Variants in DPP6 observed in about 807,000 individuals in gnomAD.
DPP6 encodes A-type potassium channel modulatory protein DPP6.
A neutral mutation model predicts 122.6 loss-of-function variants in DPP6; 69 were observed. The observed-to-expected ratio is 0.56, with a 90% CI of 0.46 to 0.69. The LOEUF (loss-of-function observed/expected upper bound fraction) is 0.69, where lower values mean the gene tolerates loss of function less well. DPP6 is among the 30% of genes least tolerant of loss of function. The pLI, the probability that DPP6 is intolerant of heterozygous loss-of-function variation, is 0.00. For missense variants in DPP6, 928 were observed against 1,116.9 expected (o/e 0.83, Z 2.41); for synonymous variants, 418 against 433.1 (o/e 0.97, Z 0.43).
At chr7:153,907,360 A>G (rs10952452) in intron 1 of DPP6, among the ~76,000 whole-genome samples, 1,589 of 152,336 alleles carry the variant, frequency 0.01, 20 homozygotes, top group East Asian at 0.037. Context: ...GATGCCAAAT[A>G]TAAAGAGGGA....
intron 3 of DPP6, among the ~76,000 whole-genome samples, chr7:154,512,462 G>C (rs1387781072): frequency 6.6e-6 from 1 of 152,128 alleles, no homozygotes; most frequent in Non-Finnish European, 1.5e-5. Flanking sequence ...CTAAAGCTTT[G>C]ACTGTTAAAG....
chr7:153,859,830 A>G, the DPP6 span, among the ~76,000 whole-genome samples: 1 of 152,172 alleles, frequency 6.6e-6, no homozygotes, highest in Non-Finnish European at 1.5e-5. Flanking sequence ...GGCAGAGGAA[A>G]TGCCAGATGC....
At chr7:153,979,792 A>G (rs1009866602) in intron 1 of DPP6, among the ~76,000 whole-genome samples, 6 of 152,134 alleles carry the variant, frequency 3.9e-5, no homozygotes, top group African/African-American at 1.2e-4. Context: ...TTCTGCATCT[A>G]TTGAGATAAT....
chr7:153,783,954 G>A, the DPP6 span, among the ~76,000 whole-genome samples: 2 of 152,198 alleles, frequency 1.3e-5, no homozygotes, highest in Admixed American at 1.3e-4. Context: ...GCAACATGGA[G>A]GAATCTCATA....
chr7:154,483,042 G>A lies in DPP6; in HGVS notation c.457+8005G>A, dbSNP rs989821107. On this transcript the variant is annotated intron_variant, in intron 3 of 25. Coordinates refer to ENST00000377770, the MANE Select transcript of DPP6 (RefSeq NM_130797.4). The surrounding 1 kb of genome is among the most constrained non-coding windows in gnomAD (Gnocchi z 8.1). ...CCAGGTGAGAGGTTGGAGCCATCTG[G>A]AGGACCATGGAAAGCGTGGGTTGTG... Among the ~76,000 whole-genome samples the A allele has an allele frequency of 4.6e-5, 7 of 152,106 alleles. No individual in the cohort carries two copies. The highest frequency in any genetic ancestry group is 2.1e-4 in the South Asian group (1 of 4,808).
At chr7:154,060,258 C>T (rs1801529234) in intron 1 of DPP6, among the ~76,000 whole-genome samples, 1 of 131,518 alleles carries the variant, frequency 7.6e-6, no homozygotes, top group Non-Finnish European at 1.7e-5. Context: ...GGGGCGGAGG[C>T]ACCCCCCGCG....
rs1188657857 is a variant in DPP6 at position 154,758,082 on chromosome 7, C to T, written c.884-11335C>T. Among the ~76,000 whole-genome samples the T allele has an allele frequency of 7.2e-5, 11 of 152,342 alleles. No homozygotes were observed. The East Asian group carries it at 2.1e-3, about 29-fold the overall frequency. On this transcript the variant is annotated intron_variant, in intron 8 of 25. Transcript: ENST00000377770. ...TGAATCCACTCCCCCTTCAGGTGGG[C>T]AAACACTGCCTCTTGCAGACATGTT...
At chr7:154,376,324 G>T (rs1813129384) in intron 1 of DPP6, among the ~76,000 whole-genome samples, 1 of 152,168 alleles carries the variant, frequency 6.6e-6, no homozygotes, top group Non-Finnish European at 1.5e-5. Context: ...AATACTTTTA[G>T]CAGGACATAA....
At chr7:154,017,473 G>A (rs554063949) in intron 1 of DPP6, among the ~76,000 whole-genome samples, 2 of 152,086 alleles carry the variant, frequency 1.3e-5, no homozygotes, top group East Asian at 3.9e-4. Context: ...GCTGAGGATT[G>A]TTTGAGGTCA....
chr7:153,846,354 A>G, the DPP6 span, among the ~76,000 whole-genome samples: 1 of 152,138 alleles, frequency 6.6e-6, no homozygotes, highest in Non-Finnish European at 1.5e-5. Flanking sequence ...TTATTTATGT[A>G]TTCTGGATAC....
rs544489735 is a variant in DPP6 at position 153,941,186 on chromosome 7, G to T, written c.51+53452G>T. 2.0e-5 allele frequency among the ~76,000 whole-genome samples: 3 copies of T among 152,322 alleles called. No homozygotes were observed. In the South Asian group the frequency reaches 6.2e-4, roughly 32 times the overall value. ...AGCAGGCATGGAACACACAGCAGTG[G>T]CTAGCACAAAAATGAGCCCTTGATG... On this transcript the variant is annotated intron_variant, in intron 1 of 25. Transcript: ENST00000404039.
chr7:154,151,715 G>C (rs1317379637), intron 1 of DPP6, among the ~76,000 whole-genome samples: 7 of 151,800 alleles, frequency 4.6e-5, no homozygotes, highest in African/African-American at 1.7e-4. Context: ...GTCTCCAGTT[G>C]GGACCACATC....
intron 8 of DPP6, among the ~76,000 whole-genome samples, chr7:154,738,145 C>T (rs540862495): frequency 2.0e-5 from 3 of 152,330 alleles, no homozygotes; most frequent in South Asian, 2.1e-4. Flanking sequence ...CAGATGTCTG[C>T]GTGCCCAGCA....
At chr7:154,494,999 C>G (rs1357857379) in intron 3 of DPP6, among the ~76,000 whole-genome samples, 1 of 152,148 alleles carries the variant, frequency 6.6e-6, no homozygotes, top group Admixed American at 6.5e-5. Context: ...GAGAGAGTCT[C>G]GTGGAGGTGA....
intron 1 of DPP6, among the ~76,000 whole-genome samples, chr7:154,380,028 A>C (rs1813455496): frequency 6.6e-6 from 1 of 152,236 alleles, no homozygotes; most frequent in African/African-American, 2.4e-5. Context: ...ATTAAAAAAC[A>C]ATGTCATATA....
At chr7:154,420,855 A>G (rs1396836567) in intron 1 of DPP6, among the ~76,000 whole-genome samples, 1 of 152,196 alleles carries the variant, frequency 6.6e-6, no homozygotes, top group Non-Finnish European at 1.5e-5. Flanking sequence ...AAAAATCATT[A>G]TGCAAAATGA....
At chr7:154,265,143 T>A (rs1477741034) in intron 1 of DPP6, among the ~76,000 whole-genome samples, 3 of 151,344 alleles carry the variant, frequency 2.0e-5, no homozygotes, top group Non-Finnish European at 4.4e-5. Flanking sequence ...ATGGTGATGG[T>A]GATAATGATG....
chr7:154,188,344 G>A lies in DPP6; in HGVS notation c.243+135281G>A, dbSNP rs149427484. On this transcript the variant is annotated intron_variant, in intron 1 of 25. Coordinates refer to ENST00000377770, the MANE Select transcript of DPP6 (RefSeq NM_130797.4). ...CAAATATATTTGTCTTGGCTACACC[G>A]AGGTCTAATCAGATTTTAGGTATAC... Among the ~76,000 whole-genome samples the A allele has an allele frequency of 4.1e-4, 62 of 152,212 alleles. No homozygotes were observed. The East Asian group carries it at 0.01, about 26-fold the overall frequency.
intron 5 of DPP6, among the ~76,000 whole-genome samples, chr7:154,611,168 G>A (rs1833888671): frequency 6.6e-6 from 1 of 152,090 alleles, no homozygotes; most frequent in Non-Finnish European, 1.5e-5. Flanking sequence ...TGACTCATGT[G>A]ACTTGTACAT....
Sources: gnomAD v4.1 joint callset for allele counts (sites outside exome capture counted in the v4.1 genomes callset) on GRCh38, gnomAD v4.1.1 for gene constraint, Gnocchi (gnomAD v3.1) non-coding constraint, MANE v1.5 for transcripts, NCBI Gene and HGNC (gene_info 2026-07-23, HGNC 2026-07-21) for gene names.